The following TMEM14A variants were observed in gnomAD, a reference collection of about 807,000 sequenced individuals.
TMEM14A encodes the protein transmembrane protein 14A.
A neutral mutation model predicts 11.6 loss-of-function variants in TMEM14A; 8 were observed. The ratio of observed to expected loss-of-function variants is 0.69; its 90% CI spans 0.40 to 1.24. TMEM14A has a LOEUF of 1.24. Among genes scored for constraint, TMEM14A ranks in the 50% most tolerant of loss-of-function variants. The pLI, the probability that TMEM14A is intolerant of heterozygous loss-of-function variation, is 0.01. For synonymous variants in TMEM14A, 34 were observed against 45.5 expected, an observed-to-expected ratio of 0.75 and a Z score of 1.02; for missense variants, 108 against 121.9, an observed-to-expected ratio of 0.89 and a Z score of 0.54.
intron 3 of TMEM14A, 66 bp from the exon 4 acceptor site, chr6:52,684,012 G>C: frequency 7.0e-7 from 1 of 1,438,730 alleles, no homozygotes; most frequent in Non-Finnish European, 9.7e-7. Flanking sequence ...AATGGTACCC[G>C]CTGTTTTCCC....
At chr6:52,677,058 T>C (rs771548374) in intron 1 of TMEM14A, 29 bp from the exon 2 acceptor site, 2 of 1,606,544 alleles carry the variant, frequency 1.2e-6, no homozygotes, top group Non-Finnish European at 8.5e-7. Context: ...TTTTATTTTG[T>C]ATAATTTGTC....
chr6:52,680,281 C>G (rs73433355), intron 2 of TMEM14A, among the ~76,000 whole-genome samples: 1 of 151,792 alleles, frequency 6.6e-6, no homozygotes, highest in Non-Finnish European at 1.5e-5. Context: ...GTGAGCTACA[C>G]TTGGCCAAGT....
chr6:52,680,709 A>ATATG (rs1581745032), intron 2 of TMEM14A, among the ~76,000 whole-genome samples: 4 of 121,642 alleles, frequency 3.3e-5, no homozygotes, highest in Admixed American at 8.6e-5. Flanking sequence ...ATATATACAC[A>ATATG]TATATATATG....
intron 2 of TMEM14A, among the ~76,000 whole-genome samples, chr6:52,678,407 T>TGA (rs1317459464): frequency 1.3e-4 from 19 of 151,784 alleles, no homozygotes; most frequent in Admixed American, 7.2e-4. Context: ...CATCTCTTCA[T>TGA]TGTTTACCAG....
chr6:52,681,961 T>TATCAAAAA, intron 3 of TMEM14A, 47 bp downstream of exon 3: 1 of 1,451,598 alleles, frequency 6.9e-7, no homozygotes, highest in Non-Finnish European at 9.7e-7. Flanking sequence ...ACATTGGAGG[T>TATCAAAAA]GATCTTTTTG....
At chr6:52,677,415 A>G (rs16882861) in intron 2 of TMEM14A, among the ~76,000 whole-genome samples, 1,986 of 152,182 alleles carry the variant, frequency 0.013, 35 homozygotes, top group African/African-American at 0.045. Flanking sequence ...TCACTTCATC[A>G]TCAGTTGCAT....
chr6:52,686,443 T>C lies in TMEM14A; in HGVS notation c.*394T>C. 1 of 386,596 alleles carries C rather than the reference T, an allele frequency of 2.6e-6. No individual in the cohort carries two copies. The highest frequency in any genetic ancestry group is 3.6e-5 in the East Asian group (1 of 27,562). The allele number at this position is 386,596 out of a possible 1,614,324, so 23.9% of individuals were successfully genotyped here. On this transcript the variant is annotated 3_prime_UTR_variant, in exon 5 of 5. Transcript: ENST00000211314. ...TATCTATTTGTCATTTGTGTTATAT[T>C]TGAAATTATTAGAAATTATGCTTTT...
Position 52,686,238 on chromosome 6 carries a change from G to T in TMEM14A, c.*189G>T, listed in dbSNP as rs1300065466. The T allele has an allele frequency of 4.3e-6, 2 of 466,222 alleles. No homozygotes were observed. Among genetic ancestry groups the T allele is most frequent in the South Asian group, 4.8e-5 (1 of 20,780 alleles). 28.9% of individuals were successfully genotyped at this position (466,222 alleles called of 1,614,324 possible). ...CAAAAATTTTAACTGTTTTCTAATT[G>T]TCAAGCACTATTTTCATTAAAAGTG... On this transcript the variant is annotated 3_prime_UTR_variant, in exon 5 of 5. Coordinates refer to ENST00000211314, the MANE Select transcript of TMEM14A (RefSeq NM_014051.4).
chr6:52,675,568 C>T (rs975012134), intron 1 of TMEM14A, among the ~76,000 whole-genome samples: 1 of 152,238 alleles, frequency 6.6e-6, no homozygotes, highest in Non-Finnish European at 1.5e-5. Flanking sequence ...AGTGGAACTT[C>T]TCACCACTGG....
At chr6:52,685,855 A>G (rs1769483467) in intron 4 of TMEM14A, among the ~76,000 whole-genome samples, 155 bp from the exon 5 acceptor site, 1 of 152,188 alleles carries the variant, frequency 6.6e-6, no homozygotes, top group South Asian at 2.1e-4. Flanking sequence ...TAATTCAGTT[A>G]TGTCTGGGAT....
intron 1 of TMEM14A, among the ~76,000 whole-genome samples, chr6:52,672,240 C>G (rs906643874): frequency 6.6e-6 from 1 of 152,056 alleles, no homozygotes; most frequent in African/African-American, 2.4e-5. Flanking sequence ...TAAACTGAAC[C>G]TTGGTTTGCC....
rs1561875087 is a variant in TMEM14A, at chr6:52,680,678, T to TAC, written c.71-1134_71-1133insCA. ...GTGTGTATATATATGTGTATATATA[T>TAC]ATATACATATATGTATATATATATA... On this transcript the variant is annotated intron_variant, in intron 2 of 4. Coordinates refer to ENST00000211314, the MANE Select transcript of TMEM14A (RefSeq NM_014051.4). Among the ~76,000 whole-genome samples the TAC allele has an allele frequency of 7.2e-5, 6 of 83,880 alleles. 1 individual carries two copies. Among genetic ancestry groups the TAC allele is most frequent in the African/African-American group, 2.5e-4 (6 of 24,040 alleles). The allele number at this position is 83,880 out of a possible 152,430, so 55.0% of individuals were successfully genotyped here.
intron 2 of TMEM14A, 118 bp from the exon 3 acceptor site, chr6:52,681,695 G>A (rs1769394227): frequency 1.2e-6 from 1 of 824,408 alleles, no homozygotes; most frequent in Non-Finnish European, 2.0e-6. Context: ...GCTTTGTCCA[G>A]TTACTGTGCC....
Position 52,677,133 on chromosome 6 carries a change from C to G in TMEM14A, c.31C>G (p.Leu11Val). 1 of 1,614,176 alleles carries G rather than the reference C, an allele frequency of 6.2e-7. No individual in the cohort carries two copies. Among genetic ancestry groups the G allele is most frequent in the East Asian group, 2.2e-5 (1 of 44,884 alleles). MDLIGFGYAA[L>V]VTFGSIFGYK... is the part of the protein sequence containing the mutation. ...CCTGATCGGTTTTGGTTATGCAGCC[C>G]TCGTGACATTTGGAAGCATTTTTGG... Residue 11 changes from leucine to valine, a missense_variant, in exon 2 of 5, where the codon CTC (leucine) becomes GTC (valine). Transcript: ENST00000211314.
intron 2 of TMEM14A, among the ~76,000 whole-genome samples, chr6:52,679,921 C>G (rs1769332910): frequency 6.6e-6 from 1 of 152,058 alleles, no homozygotes. Flanking sequence ...TCAGGGTATA[C>G]AGAAAGGAGC....
intron 4 of TMEM14A, among the ~76,000 whole-genome samples, chr6:52,685,114 G>A (rs1326047245): frequency 6.6e-6 from 1 of 152,186 alleles, no homozygotes; most frequent in Non-Finnish European, 1.5e-5. Context: ...CAAGCTGTTA[G>A]TGTTTTTCTG....
chr6:52,673,561 C>T (rs1434030362), intron 1 of TMEM14A, among the ~76,000 whole-genome samples: 9 of 152,138 alleles, frequency 5.9e-5, no homozygotes, highest in Admixed American at 5.2e-4. Flanking sequence ...TTTGGCACAA[C>T]ATCTCTCCAA....
At chr6:52,678,808 T>C (rs1199421264) in intron 2 of TMEM14A, among the ~76,000 whole-genome samples, 1 of 152,246 alleles carries the variant, frequency 6.6e-6, no homozygotes, top group Non-Finnish European at 1.5e-5. Flanking sequence ...TTTTTTCTGC[T>C]GCTACTGCCC....
At chr6:52,683,768 T>A (rs1001642416) in intron 3 of TMEM14A, among the ~76,000 whole-genome samples, 2 of 152,028 alleles carry the variant, frequency 1.3e-5, no homozygotes, top group South Asian at 2.1e-4. Context: ...TGTGCCACCA[T>A]GCCCTGCTAA....
Sources: gnomAD v4.1 joint callset for allele counts (sites outside exome capture counted in the v4.1 genomes callset) on GRCh38, gnomAD v4.1.1 for gene constraint, MANE v1.5 for transcripts, NCBI Gene and HGNC (gene_info 2026-07-23, HGNC 2026-07-21) for gene names.